HMCN1: variants seen among roughly 807,000 people sequenced by gnomAD.
HMCN1 encodes the protein hemicentin-1.
HMCN1 carries 321 observed loss-of-function variants against 625.9 expected under a neutral mutation model. The ratio of observed to expected loss-of-function variants is 0.51; its 90% CI spans 0.47 to 0.56. The LOEUF is 0.56. Among genes scored for constraint, HMCN1 ranks in the 20% least tolerant of loss-of-function variants. HMCN1 has a pLI of 0.00. For synonymous variants in HMCN1, 2,425 were observed against 2,417.6 expected (o/e 1.00, Z -0.09); for missense variants, 6,588 against 6,887.3 (o/e 0.96, Z 1.54).
chr1:185,946,936 T>A (rs1668378831), intron 11 of HMCN1, among the ~76,000 whole-genome samples: 1 of 152,108 alleles, frequency 6.6e-6, no homozygotes, highest in South Asian at 2.1e-4. Context: ...CCATTAAGAG[T>A]CTGTCATTAA....
At chr1:186,091,489 C>G (rs150020139) in intron 64 of HMCN1, among the ~76,000 whole-genome samples, 1 of 151,810 alleles carries the variant, frequency 6.6e-6, no homozygotes, top group African/African-American at 2.4e-5. Context: ...GCATGCTATC[C>G]TGATTGGCTC....
chr1:185,814,295 T>C (rs1308013410), intron 1 of HMCN1, among the ~76,000 whole-genome samples: 3 of 151,018 alleles, frequency 2.0e-5, no homozygotes, highest in Admixed American at 1.3e-4. Flanking sequence ...TCAAATAGAT[T>C]ACATTTTTTT....
At chr1:186,115,180 T>C in intron 74 of HMCN1, 78 bp from the exon 75 acceptor site, 4 of 1,554,500 alleles carry the variant, frequency 2.6e-6, no homozygotes, top group Non-Finnish European at 3.5e-6. Flanking sequence ...AATGACTAAT[T>C]TCAGTTCAGC....
intron 11 of HMCN1, among the ~76,000 whole-genome samples, chr1:185,950,196 A>C (rs1055607279): frequency 1.3e-5 from 2 of 151,282 alleles, no homozygotes; most frequent in East Asian, 3.9e-4. Flanking sequence ...GGCCAGGGAC[A>C]ACGGTAATTG....
intron 10 of HMCN1, among the ~76,000 whole-genome samples, chr1:185,928,894 A>G (rs1265056830): frequency 1.3e-5 from 2 of 152,112 alleles, no homozygotes; most frequent in African/African-American, 4.8e-5. Flanking sequence ...CCCTAACTGT[A>G]AAAGAAAGCA....
chr1:185,990,384 A>T lies in HMCN1; in HGVS notation c.3318A>T (p.Leu1106Phe). 1 of 1,613,950 alleles carries T rather than the reference A, an allele frequency of 6.2e-7. No homozygotes were observed. The highest frequency in any genetic ancestry group is 8.5e-7 in the Non-Finnish European group (1 of 1,179,898). ...EVTLPCEVKSLPPPIITWAKE... is the reference protein window; with the variant it reads ...EVTLPCEVKSFPPPIITWAKE... ...CACTTCCATGTGAAGTGAAGAGCTT[A>T]CCTCCACCCATAATTACTTGGGCCA... Residue 1106 changes from leucine to phenylalanine, a missense_variant, in exon 22 of 107, where the codon TTA (leucine) becomes TTT (phenylalanine). By Grantham distance (22) the Leu-to-Phe change is conservative (BLOSUM62 0). This residue lies in a region of HMCN1 where 4,628 missense variants were observed against 4,853.1 expected (regional missense o/e 0.95). Transcript: ENST00000271588.
intron 1 of HMCN1, among the ~76,000 whole-genome samples, chr1:185,738,334 T>A (rs1265888535): frequency 6.6e-6 from 1 of 152,216 alleles, no homozygotes; most frequent in Non-Finnish European, 1.5e-5. Flanking sequence ...CCCTCAGTCC[T>A]AAGCAGCCAC....
At chr1:185,962,415 A>T (rs1650089163) in intron 11 of HMCN1, 103 bp from the exon 12 acceptor site, 1 of 907,084 alleles carries the variant, frequency 1.1e-6, no homozygotes, top group Non-Finnish European at 1.9e-6. Flanking sequence ...GAGGAAGGCA[A>T]TAAAGATGTG....
chr1:185,995,186 A>G (rs774342630), intron 24 of HMCN1, 99 bp downstream of exon 24: 16 of 1,123,156 alleles, frequency 1.4e-5, no homozygotes, highest in Non-Finnish European at 2.0e-5. Flanking sequence ...AAATGACTTC[A>G]GAAAGAGTTC....
intron 68 of HMCN1, among the ~76,000 whole-genome samples, chr1:186,097,084 G>A (rs893360492): frequency 3.3e-5 from 5 of 152,056 alleles, no homozygotes; most frequent in African/African-American, 7.2e-5. Context: ...TCGAAAGGAG[G>A]AAGTCAAATG....
At position 186,094,318 on chromosome 1, in the gene HMCN1, T is replaced by C. The variant is rs773135098; in HGVS notation, c.10239T>C (p.Cys3413=). 1.2e-5 allele frequency: 20 copies of C among 1,613,440 alleles called. No homozygotes were observed. The highest frequency in any genetic ancestry group is 1.3e-5 in the Non-Finnish European group (15 of 1,179,612). ...AQVSDVAVYT[C]VASNRAGVDN... Reference sequence around the variant, plus strand: ...TGTCTGATGTCGCTGTGTATACTTGTGTGGCCTCCAACAGAGCTGGGGTGG... The same window carrying C: ...TGTCTGATGTCGCTGTGTATACTTGCGTGGCCTCCAACAGAGCTGGGGTGG... Residue 3413 remains cysteine, a synonymous_variant, in exon 67 of 107, where the codon TGT becomes TGC. Coordinates refer to ENST00000271588, the MANE Select transcript of HMCN1 (RefSeq NM_031935.3).
intron 81 of HMCN1, among the ~76,000 whole-genome samples, chr1:186,123,565 G>C (rs935324965): frequency 6.6e-6 from 1 of 151,996 alleles, no homozygotes; most frequent in Non-Finnish European, 1.5e-5. Flanking sequence ...AAGTCATCTT[G>C]GTTCAAATGA....
At chr1:186,141,307 T>A (rs1649946547) in intron 89 of HMCN1, among the ~76,000 whole-genome samples, 1 of 151,880 alleles carries the variant, frequency 6.6e-6, no homozygotes, top group Non-Finnish European at 1.5e-5. Context: ...TATCATACAC[T>A]GTCATTATTT....
intron 100 of HMCN1, among the ~76,000 whole-genome samples, chr1:186,171,040 A>G (rs1652198392): frequency 6.6e-6 from 1 of 152,214 alleles, no homozygotes; most frequent in Admixed American, 6.5e-5. Flanking sequence ...CAGGACTGGA[A>G]CTTCCGAGAA....
At chr1:186,004,441 G>A (rs1459061455) in intron 29 of HMCN1, among the ~76,000 whole-genome samples, 1 of 152,066 alleles carries the variant, frequency 6.6e-6, no homozygotes, top group Non-Finnish European at 1.5e-5. Flanking sequence ...TAAAATAAAA[G>A]ATTGTATTCA....
At chr1:185,958,378 G>A (rs763247473) in intron 11 of HMCN1, among the ~76,000 whole-genome samples, 14 of 152,042 alleles carry the variant, frequency 9.2e-5, no homozygotes, top group Non-Finnish European at 1.9e-4. Flanking sequence ...CTTGGCCTCC[G>A]AAAATGCTGG....
chr1:185,873,786 C>T (rs1663773443), intron 4 of HMCN1, among the ~76,000 whole-genome samples: 1 of 151,970 alleles, frequency 6.6e-6, no homozygotes, highest in Non-Finnish European at 1.5e-5. Context: ...GAGGAAAACA[C>T]AATAGTATTA....
chr1:185,783,863 GTC>G (rs1657347811), intron 1 of HMCN1, among the ~76,000 whole-genome samples: 2 of 152,188 alleles, frequency 1.3e-5, no homozygotes, highest in Non-Finnish European at 2.9e-5. Flanking sequence ...CCACTGTACC[GTC>G]TTCAAAGCTG....
intron 11 of HMCN1, among the ~76,000 whole-genome samples, chr1:185,934,563 C>G (rs1667719504): frequency 6.6e-6 from 1 of 152,124 alleles, no homozygotes; most frequent in South Asian, 2.1e-4. Context: ...ACATATTTGG[C>G]TTCTAAAAGT....
Sources: allele counts gnomAD v4.1 joint callset (sites outside exome capture counted in the v4.1 genomes callset), GRCh38; gene constraint gnomAD v4.1.1; regional missense constraint gnomAD v4.1.1; transcripts MANE v1.5; gene names NCBI Gene and HGNC (gene_info 2026-07-23, HGNC 2026-07-21).